The following CORO7 variants were observed in gnomAD, a reference collection of about 807,000 sequenced individuals.
CORO7 encodes the protein coronin 7, also known as coronin-7.
A neutral mutation model predicts 126.6 loss-of-function variants in CORO7; 107 were observed. That is an observed-to-expected ratio of 0.85 (90% CI 0.72 to 0.99). The LOEUF is 0.99. Ranked by LOEUF, CORO7 falls within the 50% of genes least tolerant of loss-of-function variation. The pLI is 0.00. For missense variants in CORO7, 1,314 were observed against 1,255.8 expected (o/e 1.05, Z -0.70); for synonymous variants, 603 against 536.8 (o/e 1.12, Z -1.70).
chr16:4,395,551 G>C (rs930295155), intron 6 of CORO7, among the ~76,000 whole-genome samples: 1 of 152,172 alleles, frequency 6.6e-6, no homozygotes, highest in African/African-American at 2.4e-5. Flanking sequence ...TTTCTGTGAG[G>C]AGTGTTCAGC....
intron 7 of CORO7, among the ~76,000 whole-genome samples, chr16:4,389,077 C>A (rs942102928): frequency 1.4e-4 from 22 of 152,324 alleles, no homozygotes; most frequent in Middle Eastern, 3.4e-3. Context: ...CACCCGCTTC[C>A]CAGGGCTGTC....
intron 9 of CORO7, among the ~76,000 whole-genome samples, chr16:4,374,261 G>A (rs1475263019): frequency 6.6e-6 from 1 of 152,086 alleles, no homozygotes; most frequent in Non-Finnish European, 1.5e-5. Context: ...TCCTTTTATC[G>A]GTTTCCACAT....
rs527454092 is a variant in CORO7, at chr16:4,354,604, G to C, written c.*554C>G. ...AAGGCAGGTGCGGGCCAGTCCCTGCGGGGCTCACACCCCCCTTATTGGACC... is the reference window on the plus strand; with the variant it reads ...AAGGCAGGTGCGGGCCAGTCCCTGCCGGGCTCACACCCCCCTTATTGGACC... On this transcript the variant is annotated 3_prime_UTR_variant, in exon 28 of 28. Transcript: ENST00000251166. The C allele has an allele frequency of 2.6e-5, 4 of 155,696 alleles. No homozygotes were observed. The highest frequency in any genetic ancestry group is 9.6e-5 in the African/African-American group (4 of 41,620). The allele number at this position is 155,696 out of a possible 1,614,324, so 9.6% of individuals were successfully genotyped here.
intron 7 of CORO7, among the ~76,000 whole-genome samples, chr16:4,391,730 C>T (rs2055398370): frequency 6.6e-6 from 1 of 152,234 alleles, no homozygotes; most frequent in African/African-American, 2.4e-5. Flanking sequence ...GACCCGTTTG[C>T]CAGCCTCAGC....
intron 9 of CORO7, among the ~76,000 whole-genome samples, chr16:4,369,351 T>C (rs1242745701): frequency 2.0e-5 from 3 of 152,172 alleles, no homozygotes; most frequent in Admixed American, 6.5e-5. Flanking sequence ...GTCTGGAACA[T>C]GGTACATGAG....
At chr16:4,380,928 G>C (rs1402317084) in intron 9 of CORO7, 1 of 1,582,454 alleles carries the variant, frequency 6.3e-7, no homozygotes, top group Non-Finnish European at 8.6e-7. Context: ...TACTGGCCCT[G>C]GGGCCTGGGG....
chr16:4,355,231 G>A (rs766686848), intron 27 of CORO7, 55 bp downstream of exon 27: 1 of 1,605,446 alleles, frequency 6.2e-7, no homozygotes, highest in East Asian at 2.2e-5. Context: ...CATGCACCGT[G>A]GCATGTGCGA....
At chr16:4,402,404 C>G (rs1378575668) in intron 6 of CORO7, among the ~76,000 whole-genome samples, 2 of 152,102 alleles carry the variant, frequency 1.3e-5, no homozygotes, top group African/African-American at 4.8e-5. Context: ...GCCACCATGC[C>G]TGTCTAATGT....
At chr16:4,359,173 G>T in intron 23 of CORO7, 123 bp downstream of exon 23, 1 of 1,125,186 alleles carries the variant, frequency 8.9e-7, no homozygotes, top group Non-Finnish European at 1.2e-6. Flanking sequence ...CACAGCCCCA[G>T]GCCCAGCCCC....
At chr16:4,366,868 A>G (rs1432556135) in intron 9 of CORO7, among the ~76,000 whole-genome samples, 1 of 152,114 alleles carries the variant, frequency 6.6e-6, no homozygotes, top group African/African-American at 2.4e-5. Context: ...TGGGACCTGC[A>G]GGCCTGGACC....
At chr16:4,392,061 C>A (rs894871591) in intron 7 of CORO7, among the ~76,000 whole-genome samples, 2 of 152,166 alleles carry the variant, frequency 1.3e-5, no homozygotes, top group East Asian at 3.8e-4. Context: ...CCACTTACCC[C>A]CTTCCCTCCT....
intron 9 of CORO7, among the ~76,000 whole-genome samples, chr16:4,383,952 G>A (rs981977381): frequency 2.6e-5 from 4 of 152,190 alleles, no homozygotes; most frequent in East Asian, 1.9e-4. Flanking sequence ...AGTGGCCTCC[G>A]GGACCTTCTC....
In CORO7 at chr16:4,360,971, C is replaced by A. The variant is rs150670238; in HGVS notation, c.1889G>T (p.Arg630Leu). The change falls in exon 19 of 28, where the codon CGG (arginine) becomes CTG (leucine). Residue 630 changes from arginine to leucine, a missense_variant. Arg to Leu is a moderately radical substitution (Grantham distance 102). Transcript: ENST00000251166. ...RIWDLQAGAD[R>L]LKLQGHQDQI... ...GTCTTGGTGGCCCTGCAGCTTCAGC[C>A]GATCAGCTCCAGCCTGAAGGTCCCA... 3 of 1,612,312 alleles carry A rather than the reference C, an allele frequency of 1.9e-6. No individual in the cohort carries two copies. Among genetic ancestry groups the A allele is most frequent in the African/African-American group, 2.7e-5 (2 of 74,916 alleles).
chr16:4,382,515 CGAG>C, intron 9 of CORO7: 1 of 1,592,150 alleles, frequency 6.3e-7, no homozygotes, highest in South Asian at 1.1e-5. Context: ...TGCCGGAGGG[CGAG>C]GAGGCCTGCG....
At chr16:4,412,699 G>C in intron 2 of CORO7, 1 of 488,116 alleles carries the variant, frequency 2.0e-6, no homozygotes, top group African/African-American at 1.9e-5. Flanking sequence ...GGGGCGTGGG[G>C]CTTTCGTATG....
chr16:4,382,659 G>A (rs1415112274), intron 9 of CORO7: 2 of 1,552,778 alleles, frequency 1.3e-6, no homozygotes, highest in Admixed American at 3.8e-5. Flanking sequence ...CTGCGGTGGG[G>A]GCAGCCTACT....
intron 14 of CORO7, chr16:4,363,368 C>T (rs1263705090): frequency 6.6e-6 from 1 of 151,488 alleles, no homozygotes; most frequent in East Asian, 2.0e-4. Context: ...AGTTCAAGAC[C>T]AGCCTGGCCA....
chr16:4,357,038 C>T (rs2141171488), intron 26 of CORO7, 130 bp downstream of exon 26: 2 of 1,224,218 alleles, frequency 1.6e-6, no homozygotes, highest in Non-Finnish European at 2.3e-6. Context: ...CCCCACCAGG[C>T]TCTGGTGTGA....
rs1326051498 is a variant in CORO7, at chr16:4,407,618, G to A, written c.370C>T (p.Pro124Ser). 8.7e-6 allele frequency: 14 copies of A among 1,603,536 alleles called. No individual in the cohort carries two copies. The highest frequency in any genetic ancestry group is 1.2e-5 in the Non-Finnish European group (14 of 1,175,424). Residue 124 changes from proline to serine, a missense_variant, in exon 5 of 28, where the codon CCC becomes TCC. By Grantham distance (74) the Pro-to-Ser change is moderately conservative (BLOSUM62 -1). Transcript: ENST00000251166. Reference protein sequence around the residue: ...LPSAPGVVLGPEDLPVEVLQF... With the variant: ...LPSAPGVVLGSEDLPVEVLQF... Reference sequence around the variant, plus strand: ...AGTACCTCCACTGGGAGGTCCTCGGGGCCCAGCACCACCCCGGGTGCTGAG... The same window carrying A: ...AGTACCTCCACTGGGAGGTCCTCGGAGCCCAGCACCACCCCGGGTGCTGAG...
Sources: gnomAD v4.1 joint callset for allele counts (sites outside exome capture counted in the v4.1 genomes callset) on GRCh38, gnomAD v4.1.1 for gene constraint, MANE v1.5 for transcripts, NCBI Gene and HGNC (gene_info 2026-07-23, HGNC 2026-07-21) for gene names.